The following LIPJ variants were observed in gnomAD, a reference collection of about 807,000 sequenced individuals.
LIPJ encodes the protein lipase member J.
In LIPJ, 33 loss-of-function variants were observed where a neutral mutation model predicts 39.8. The ratio of observed to expected loss-of-function variants is 0.83; its 90% CI spans 0.63 to 1.11. The LOEUF is 1.11. Ranked by LOEUF, LIPJ falls within the 50% of genes least tolerant of loss-of-function variation. The probability of loss-of-function intolerance (pLI) is 0.00; values close to 1 mark genes in which losing one functional copy is unlikely to be tolerated. For missense variants in LIPJ, 422 were observed against 427.9 expected, an observed-to-expected ratio of 0.99 and a Z score of 0.12; for synonymous variants, 128 against 139.2, an observed-to-expected ratio of 0.92 and a Z score of 0.57.
the LIPJ span, among the ~76,000 whole-genome samples, chr10:88,613,770 G>GTGTATATATATATATATA: frequency 6.6e-5 from 5 of 75,526 alleles, no homozygotes; most frequent in Non-Finnish European, 1.1e-4. Context: ...ATGTGTGTGT[G>GTGTATATATATATATATA]TATATATATA....
At chr10:88,600,254 T>G (rs923813829) in intron 8 of LIPJ, among the ~76,000 whole-genome samples, 2 of 152,184 alleles carry the variant, frequency 1.3e-5, no homozygotes, top group Non-Finnish European at 2.9e-5. Context: ...CTTTTTCTTC[T>G]TTCAAAATAT....
At chr10:88,597,622 G>A (rs1033049176) in intron 8 of LIPJ, among the ~76,000 whole-genome samples, 1 of 151,966 alleles carries the variant, frequency 6.6e-6, no homozygotes, top group Admixed American at 6.6e-5. Flanking sequence ...AGAAAGATAG[G>A]TATTCTCTTA....
At chr10:88,602,484 T>G (rs1444646702) in intron 8 of LIPJ, 92 bp from the exon 9 acceptor site, 1 of 751,908 alleles carries the variant, frequency 1.3e-6, no homozygotes, top group Non-Finnish European at 2.0e-6. Flanking sequence ...TAAATTTTCT[T>G]GAAATAATTT....
chr10:88,617,398 G>C, the LIPJ span, among the ~76,000 whole-genome samples: 1 of 152,126 alleles, frequency 6.6e-6, no homozygotes, highest in Non-Finnish European at 1.5e-5. Flanking sequence ...TTATATCAAA[G>C]ATATTTAAAA....
Position 88,590,768 on chromosome 10 carries a change from A to G in LIPJ, c.9+72A>G. 23 of 1,147,372 alleles carry G rather than the reference A, an allele frequency of 2.0e-5. No individual in the cohort carries two copies. In the South Asian group the frequency reaches 2.8e-4, roughly 14 times the overall value. The allele number at this position is 1,147,372 out of a possible 1,614,324, so 71.1% of individuals were successfully genotyped here. ...GCTACTTTTCAAATTTGGAATTTTA[A>G]CTTAATAGATTTACAGTCAAACGTA... On this transcript the variant is annotated intron_variant, in intron 3 of 10. Coordinates refer to ENST00000371939, the Ensembl canonical transcript of LIPJ.
chr10:88,584,149 T>C (rs1267514053), upstream of LIPJ: 1 of 152,136 alleles, frequency 6.6e-6, no homozygotes. Flanking sequence ...TGGAAACATT[T>C]AAAAATCAGA....
chr10:88,584,427 A>T (rs1850835575), upstream of LIPJ: 1 of 152,272 alleles, frequency 6.6e-6, no homozygotes, highest in Admixed American at 6.5e-5. Flanking sequence ...AATATTATTT[A>T]AAAACATTAT....
chr10:88,603,554 C>T (rs1851566299), intron 9 of LIPJ, among the ~76,000 whole-genome samples: 1 of 152,088 alleles, frequency 6.6e-6, no homozygotes. Flanking sequence ...ATCAAAAGAC[C>T]AGAAATTAAA....
intron 10 of LIPJ, among the ~76,000 whole-genome samples, chr10:88,605,917 T>C (rs1399364148): frequency 6.6e-6 from 1 of 152,152 alleles, no homozygotes; most frequent in Non-Finnish European, 1.5e-5. Context: ...ATAACCCGGA[T>C]AAGTCCAGAA....
intron 9 of LIPJ, among the ~76,000 whole-genome samples, chr10:88,604,396 G>T (rs1851593696): frequency 6.6e-6 from 1 of 152,206 alleles, no homozygotes; most frequent in African/African-American, 2.4e-5. Context: ...GAACACATTG[G>T]CTGCTATGTT....
chr10:88,612,677 G>A, the LIPJ span, among the ~76,000 whole-genome samples: 1 of 152,134 alleles, frequency 6.6e-6, no homozygotes, highest in South Asian at 2.1e-4. Context: ...ATTCCAACAG[G>A]AAAATATCAC....
At chr10:88,621,748 G>A in the LIPJ span, among the ~76,000 whole-genome samples, 6 of 152,086 alleles carry the variant, frequency 3.9e-5, no homozygotes, top group South Asian at 2.1e-4. Flanking sequence ...GGTAAGAGAC[G>A]GCCTCACTAA....
upstream of LIPJ, chr10:88,583,535 C>T: frequency 8.8e-7 from 1 of 1,135,184 alleles, no homozygotes; most frequent in Non-Finnish European, 1.1e-6. Context: ...TGACGTTGAC[C>T]ACAGCAGAGA....
exon 8 of LIPJ, chr10:88,596,909 T>C: frequency 6.4e-7 from 1 of 1,569,828 alleles, no homozygotes; most frequent in South Asian, 1.1e-5. Context: ...TTATGATGTT[T>C]GGATATGACC....
the LIPJ span, among the ~76,000 whole-genome samples, chr10:88,620,687 T>A: frequency 2.0e-5 from 3 of 152,198 alleles, no homozygotes; most frequent in Non-Finnish European, 4.4e-5. Flanking sequence ...TCTCTTACAT[T>A]CCTGGTTTGG....
intron 8 of LIPJ, among the ~76,000 whole-genome samples, chr10:88,602,066 TA>T (rs1484101111): frequency 6.6e-6 from 1 of 152,162 alleles, no homozygotes; most frequent in Non-Finnish European, 1.5e-5. Context: ...TGTTTCTTTT[TA>T]AAATCTTTCA....
At chr10:88,616,715 C>T in the LIPJ span, among the ~76,000 whole-genome samples, 2 of 152,202 alleles carry the variant, frequency 1.3e-5, no homozygotes, top group Admixed American at 6.5e-5. Context: ...GCAACCCCTG[C>T]CTCAGGCTGA....
At chr10:88,583,099 G>T, upstream of LIPJ, 2 of 1,614,046 alleles carry the variant, frequency 1.2e-6, no homozygotes, top group South Asian at 1.1e-5. Flanking sequence ...GTCCCACACA[G>T]CAAGGTACAA....
intron 4 of LIPJ, 125 bp from the exon 5 acceptor site, chr10:88,593,821 C>T (rs1343669448): frequency 2.7e-6 from 2 of 729,868 alleles, no homozygotes; most frequent in East Asian, 2.7e-5. Context: ...TAACTTACCC[C>T]ACTTATGAAA....
Sources: gnomAD v4.1 joint callset for allele counts (sites outside exome capture counted in the v4.1 genomes callset) on GRCh38, gnomAD v4.1.1 for gene constraint, MANE v1.5 for transcripts, NCBI Gene and HGNC (gene_info 2026-07-23, HGNC 2026-07-21) for gene names.